Variants in IL15 observed in about 807,000 individuals in gnomAD.
The protein encoded by IL15 is interleukin-15.
A neutral mutation model predicts 19.6 loss-of-function variants in IL15; 11 were observed. The ratio of observed to expected loss-of-function variants is 0.56; its 90% CI spans 0.35 to 0.93. The LOEUF is 0.93. IL15 is among the 40% of genes least tolerant of loss of function. IL15 has a pLI of 0.01. For missense variants in IL15, 197 were observed against 186.5 expected (o/e 1.06, Z -0.33); for synonymous variants, 58 against 59.6 (o/e 0.97, Z 0.12).
In IL15 at chr4:141,720,608, C is replaced by A; in HGVS notation, c.110+42C>A. 3.0e-6 allele frequency: 3 copies of A among 994,352 alleles called. No homozygotes were observed. The South Asian group carries it at 3.9e-5, about 13-fold the overall frequency. The allele number at this position is 994,352 out of a possible 1,614,324, so 61.6% of individuals were successfully genotyped here. On this transcript the variant is annotated intron_variant, in intron 4 of 7. Transcript: ENST00000320650. ...GCATAAATAACATTATGTTCATGGT[C>A]ATGATGATTGTCCTTGGATATATTT...
Position 141,642,046 on chromosome 4 carries a change from G to GA in IL15, c.-222+5307dup, listed in dbSNP as rs952894584. Among the ~76,000 whole-genome samples, 388 of 149,306 alleles carry GA rather than the reference G, an allele frequency of 2.6e-3. 2 individuals carry two copies. Among genetic ancestry groups the GA allele is most frequent in the African/African-American group, 8.9e-3 (360 of 40,604 alleles). Reference sequence around the variant, plus strand: ...TAATAATAAATAATAACGTGCTCTTGAAAAAAAAACTAAAACAATATTGGA... The same window carrying GA: ...TAATAATAAATAATAACGTGCTCTTGAAAAAAAAAACTAAAACAATATTGGA... On this transcript the variant is annotated intron_variant, in intron 1 of 7. Transcript: ENST00000320650.
intron 2 of IL15, chr4:141,714,688 G>T (rs1729817643): frequency 6.6e-6 from 1 of 152,116 alleles, no homozygotes; most frequent in Non-Finnish European, 1.5e-5. Flanking sequence ...CCTTTTGCTG[G>T]ATATACTTCC....
intron 2 of IL15, among the ~76,000 whole-genome samples, chr4:141,700,124 G>A (rs2152181290): frequency 6.6e-6 from 1 of 152,136 alleles, no homozygotes; most frequent in South Asian, 2.1e-4. Flanking sequence ...TCACCATGTT[G>A]GCCAGGCCAG....
intron 2 of IL15, among the ~76,000 whole-genome samples, chr4:141,709,363 A>T (rs987870632): frequency 2.0e-5 from 3 of 152,150 alleles, no homozygotes; most frequent in Non-Finnish European, 2.9e-5. Flanking sequence ...ATGTACATAT[A>T]TACTACATAA....
intron 1 of IL15, among the ~76,000 whole-genome samples, chr4:141,641,747 G>A (rs1003148368): frequency 6.7e-6 from 1 of 150,350 alleles, no homozygotes; most frequent in Non-Finnish European, 1.5e-5. Flanking sequence ...TGTAAATGAC[G>A]AGTTAATGGG....
At chr4:141,705,078 T>C (rs1729461604) in intron 2 of IL15, among the ~76,000 whole-genome samples, 1 of 151,996 alleles carries the variant, frequency 6.6e-6, no homozygotes. Context: ...TTTATTTGTT[T>C]ATGTTTTGAA....
chr4:141,640,982 G>A (rs1275559403), intron 1 of IL15, among the ~76,000 whole-genome samples: 1 of 152,206 alleles, frequency 6.6e-6, no homozygotes, highest in Non-Finnish European at 1.5e-5. Flanking sequence ...GCTTATCATT[G>A]TGACACACGA....
At chr4:141,721,200 A>G (rs1480507890) in intron 4 of IL15, 1 of 889,724 alleles carries the variant, frequency 1.1e-6, no homozygotes, top group East Asian at 2.4e-5. Context: ...CATAAGACAG[A>G]TTAGTGTTGA....
chr4:141,677,470 G>A (rs1483881713), intron 2 of IL15, among the ~76,000 whole-genome samples: 1 of 152,148 alleles, frequency 6.6e-6, no homozygotes, highest in Non-Finnish European at 1.5e-5. Context: ...TCAACAGTAG[G>A]CTATTAGTTT....
At chr4:141,731,252 C>T (rs1317991887) in intron 7 of IL15, among the ~76,000 whole-genome samples, 1 of 152,114 alleles carries the variant, frequency 6.6e-6, no homozygotes, top group South Asian at 2.1e-4. Context: ...TCCCTGTCCC[C>T]TTCTCTGCGT....
chr4:141,713,057 A>G (rs945121028), intron 2 of IL15, among the ~76,000 whole-genome samples: 2 of 152,194 alleles, frequency 1.3e-5, no homozygotes, highest in Non-Finnish European at 2.9e-5. Context: ...AAATCATTAT[A>G]GTAACCCAAG....
At chr4:141,721,121 A>C in intron 4 of IL15, 2 of 1,528,536 alleles carry the variant, frequency 1.3e-6, no homozygotes, top group Non-Finnish European at 1.8e-6. Context: ...TCTGACTCTC[A>C]GTTCAGTTTT....
chr4:141,727,024 A>G (rs778623861), intron 5 of IL15, among the ~76,000 whole-genome samples: 19 of 152,170 alleles, frequency 1.2e-4, no homozygotes, highest in Non-Finnish European at 2.2e-4. Flanking sequence ...TATGGAGACA[A>G]TAAAAAGATC....
chr4:141,715,607 A>G (rs552080203), intron 2 of IL15: 5 of 152,332 alleles, frequency 3.3e-5, no homozygotes, highest in African/African-American at 1.2e-4. Context: ...GGTCATAAAA[A>G]ATGCCTAGCC....
chr4:141,699,311 G>A (rs1387375017), intron 2 of IL15, among the ~76,000 whole-genome samples: 1 of 152,088 alleles, frequency 6.6e-6, no homozygotes, highest in African/African-American at 2.4e-5. Flanking sequence ...TGTGGTTGTT[G>A]GGAAGAACTT....
rs62327420 is a variant in IL15, at chr4:141,650,410, A to G, written c.-221-5776A>G. The stretch of plus-strand genomic sequence containing the variant: ...TATAGTCAATACATATGGAGGTGCA[A>G]GCCCCAAACATACTGTTATCATGGA... On this transcript the variant is annotated intron_variant, in intron 1 of 7. Transcript: ENST00000320650. 7.1e-3 allele frequency among the ~76,000 whole-genome samples: 1,085 copies of G among 152,142 alleles called. 8 individuals carry two copies. Among genetic ancestry groups the G allele is most frequent in the Non-Finnish European group, 0.013 (856 of 67,950 alleles).
At chr4:141,723,216 C>T (rs890402104) in intron 5 of IL15, among the ~76,000 whole-genome samples, 2 of 152,086 alleles carry the variant, frequency 1.3e-5, no homozygotes, top group African/African-American at 4.8e-5. Flanking sequence ...ATAGTGTCCC[C>T]CCAAATTTCA....
chr4:141,653,970 T>C (rs975790219), intron 1 of IL15, among the ~76,000 whole-genome samples: 2 of 152,246 alleles, frequency 1.3e-5, no homozygotes, highest in African/African-American at 2.4e-5. Context: ...AATCTTGCAA[T>C]AATCTGCTTC....
chr4:141,653,980 C>T (rs1174827949), intron 1 of IL15, among the ~76,000 whole-genome samples: 3 of 152,146 alleles, frequency 2.0e-5, no homozygotes, highest in South Asian at 4.1e-4. Flanking sequence ...TAATCTGCTT[C>T]GATGTAATCC....
Sources: gnomAD v4.1 joint callset for allele counts (sites outside exome capture counted in the v4.1 genomes callset) on GRCh38, gnomAD v4.1.1 for gene constraint, MANE v1.5 for transcripts, NCBI Gene and HGNC (gene_info 2026-07-23, HGNC 2026-07-21) for gene names.